WWOX: variants seen among roughly 807,000 people sequenced by gnomAD.
The protein encoded by WWOX is WW domain containing oxidoreductase, also known as WW domain-containing oxidoreductase.
A neutral mutation model predicts 46.2 loss-of-function variants in WWOX; 69 were observed. The ratio of observed to expected loss-of-function variants is 1.49; its 90% CI spans 1.23 to 1.82. The LOEUF is 1.82. Ranked by LOEUF, WWOX falls within the 40% of genes most tolerant of loss-of-function variation. The pLI is 0.00. For missense variants in WWOX, 919 were observed against 542.6 expected, an observed-to-expected ratio of 1.69 and a Z score of -6.89; for synonymous variants, 359 against 202.6, an observed-to-expected ratio of 1.77 and a Z score of -6.56.
At chr16:79,108,547 T>G (rs1427945500) in intron 8 of WWOX, among the ~76,000 whole-genome samples, 1 of 152,230 alleles carries the variant, frequency 6.6e-6, no homozygotes, top group African/African-American at 2.4e-5. Context: ...GCACTTCATA[T>G]GCCATTCATA....
At chr16:79,194,704 G>A (rs1211663946) in intron 8 of WWOX, among the ~76,000 whole-genome samples, 1 of 152,126 alleles carries the variant, frequency 6.6e-6, no homozygotes, top group Non-Finnish European at 1.5e-5. Flanking sequence ...GAGTCAGGAG[G>A]TGCTACTTTC....
intron 8 of WWOX, among the ~76,000 whole-genome samples, chr16:78,731,837 TTCTTTC>T (rs1418647349): frequency 2.9e-5 from 4 of 136,658 alleles, no homozygotes; most frequent in African/African-American, 1.0e-4. Flanking sequence ...CCAATTTTTT[TTCTTTC>T]TCTTTTTTTT....
chr16:78,132,458 G>C (rs1020289362), intron 4 of WWOX, among the ~76,000 whole-genome samples: 1 of 152,228 alleles, frequency 6.6e-6, no homozygotes, highest in East Asian at 1.9e-4. Context: ...CTGTGGTCAA[G>C]TTTAATTGCT....
At chr16:79,103,109 A>C (rs898297900) in intron 8 of WWOX, among the ~76,000 whole-genome samples, 1 of 152,148 alleles carries the variant, frequency 6.6e-6, no homozygotes, top group African/African-American at 2.4e-5. Context: ...CTAAGTGGTT[A>C]AGTCTCTGGG....
chr16:78,171,874 G>A (rs867858371), intron 5 of WWOX, among the ~76,000 whole-genome samples: 12 of 152,152 alleles, frequency 7.9e-5, no homozygotes, highest in African/African-American at 2.4e-4. Context: ...TCTTTGGGGC[G>A]TTTGCAAAAT....
At chr16:78,336,213 C>A (rs1567509461) in intron 5 of WWOX, among the ~76,000 whole-genome samples, 1 of 151,928 alleles carries the variant, frequency 6.6e-6, no homozygotes, top group Non-Finnish European at 1.5e-5. Context: ...GTGGCTCATG[C>A]CTGTGATCCA....
At chr16:78,676,341 C>G (rs79682251) in intron 8 of WWOX, among the ~76,000 whole-genome samples, 1 of 151,956 alleles carries the variant, frequency 6.6e-6, no homozygotes, top group Non-Finnish European at 1.5e-5. Context: ...CATTGCCCTC[C>G]ATTCAGATCT....
intron 8 of WWOX, among the ~76,000 whole-genome samples, chr16:78,466,914 G>C (rs1020998595): frequency 1.3e-5 from 2 of 150,850 alleles, no homozygotes; most frequent in African/African-American, 4.9e-5. Flanking sequence ...TGTAGCATGG[G>C]CAGGAAATAA....
At chr16:78,449,341 A>G (rs1291043961) in intron 8 of WWOX, among the ~76,000 whole-genome samples, 2 of 152,204 alleles carry the variant, frequency 1.3e-5, no homozygotes, top group Non-Finnish European at 2.9e-5. Flanking sequence ...TCTTTTTGTT[A>G]GAAGGAAATC....
chr16:78,998,460 T>C (rs1297799856), intron 8 of WWOX, among the ~76,000 whole-genome samples: 1 of 152,100 alleles, frequency 6.6e-6, no homozygotes, highest in East Asian at 1.9e-4. Flanking sequence ...GTTTTAAAGA[T>C]TTTTTCACTG....
chr16:78,855,741 C>G (rs941708340), intron 8 of WWOX, among the ~76,000 whole-genome samples: 2 of 152,152 alleles, frequency 1.3e-5, no homozygotes, highest in African/African-American at 4.8e-5. Context: ...CACCACCTCT[C>G]CTAACTTCTG....
intron 8 of WWOX, among the ~76,000 whole-genome samples, chr16:78,565,993 G>C (rs1183578921): frequency 6.7e-6 from 1 of 149,660 alleles, no homozygotes; most frequent in Admixed American, 6.8e-5. Context: ...CCATAGACTG[G>C]GCAGGTTAAA....
intron 8 of WWOX, among the ~76,000 whole-genome samples, chr16:79,115,266 A>G (rs547225844): frequency 1.9e-4 from 29 of 152,334 alleles, no homozygotes; most frequent in Admixed American, 5.9e-4. Context: ...GCTCATAGGG[A>G]TGCATGTAGC....
At chr16:78,369,739 A>G (rs1381864209) in intron 5 of WWOX, among the ~76,000 whole-genome samples, 1 of 152,104 alleles carries the variant, frequency 6.6e-6, no homozygotes, top group African/African-American at 2.4e-5. Flanking sequence ...CCAATTGTTA[A>G]AATCCAACAA....
chr16:79,024,766 C>T (rs554644682), intron 8 of WWOX, among the ~76,000 whole-genome samples: 2 of 152,028 alleles, frequency 1.3e-5, no homozygotes, highest in Non-Finnish European at 1.5e-5. Flanking sequence ...GAGACAGGGT[C>T]TCACCTTGTT....
chr16:78,606,718 G>GTTTTTTTTTTTT (rs59612285), intron 8 of WWOX, among the ~76,000 whole-genome samples: 2 of 121,078 alleles, frequency 1.7e-5, no homozygotes, highest in African/African-American at 6.8e-5. Flanking sequence ...CAGAATTGCA[G>GTTTTTTTTTTTT]TTTTTTTTTT....
At chr16:78,364,715 C>G (rs563639407) in intron 5 of WWOX, among the ~76,000 whole-genome samples, 7 of 152,130 alleles carry the variant, frequency 4.6e-5, no homozygotes, top group African/African-American at 1.2e-4. Flanking sequence ...CAGTCTAAAT[C>G]CCTGCCAGCA....
chr16:78,250,966 T>C (rs1156332601), intron 5 of WWOX, among the ~76,000 whole-genome samples: 1 of 152,202 alleles, frequency 6.6e-6, no homozygotes, highest in Non-Finnish European at 1.5e-5. Context: ...ATGTCTGTTA[T>C]ATATAAGGGA....
chr16:78,575,556 A>G (rs1222432593), intron 8 of WWOX, among the ~76,000 whole-genome samples: 1 of 152,042 alleles, frequency 6.6e-6, no homozygotes, highest in Non-Finnish European at 1.5e-5. Flanking sequence ...TTTGTTTTGG[A>G]CTGGGGCATT....
Sources: allele counts gnomAD v4.1 joint callset (sites outside exome capture counted in the v4.1 genomes callset), GRCh38; gene constraint gnomAD v4.1.1; transcripts MANE v1.5; gene names NCBI Gene and HGNC (gene_info 2026-07-23, HGNC 2026-07-21).